PCDHGA4: variants seen among roughly 807,000 people sequenced by gnomAD.
The protein encoded by PCDHGA4 is protocadherin gamma-A4.
A neutral mutation model predicts 54.6 loss-of-function variants in PCDHGA4; 38 were observed. The ratio of observed to expected loss-of-function variants is 0.70; its 90% CI spans 0.54 to 0.91. The LOEUF is 0.91. PCDHGA4 is among the 40% of genes least tolerant of loss of function. The pLI is 0.00. For missense variants in PCDHGA4, 1,298 were observed against 1,220.9 expected (o/e 1.06, Z -0.94); for synonymous variants, 511 against 512.9 (o/e 1.00, Z 0.05).
intron 1 of PCDHGA4, chr5:141,478,076 C>A: frequency 6.2e-7 from 1 of 1,614,106 alleles, no homozygotes. Context: ...CAATGGGGAG[C>A]CTTCGCTCTC....
Position 141,491,162 on chromosome 5 carries a change from C to T in PCDHGA4, c.2515-3645C>T. 6.2e-7 allele frequency: 1 copy of T among 1,614,112 alleles called. No homozygotes were observed. Among genetic ancestry groups the T allele is most frequent in the Non-Finnish European group, 8.5e-7 (1 of 1,179,952 alleles). On this transcript the variant is annotated intron_variant, in intron 1 of 3. Coordinates refer to ENST00000571252, the MANE Select transcript of PCDHGA4 (RefSeq NM_018917.4). This position sits in a 1 kb window ranked among gnomAD's most constrained non-coding sequence, Gnocchi z 6.9. ...GCCTTACTGGAGGATGACTCTGACA[C>T]CCAGCAGGTGGTGGTCCTGGTGAGG...
chr5:141,405,345 A>C (rs758657243), intron 1 of PCDHGA4: 2 of 1,613,944 alleles, frequency 1.2e-6, no homozygotes, highest in Middle Eastern at 1.6e-4. Context: ...GTTGATTCCA[A>C]GTTTCCTATA....
intron 1 of PCDHGA4, chr5:141,388,788 T>C (rs1253708084): frequency 1.2e-6 from 2 of 1,613,942 alleles, no homozygotes; most frequent in Non-Finnish European, 1.7e-6. Flanking sequence ...AATTACTGTT[T>C]TAAATACATT....
In PCDHGA4 at chr5:141,356,912, G is replaced by T. The variant is rs376285031; in HGVS notation, c.1805G>T (p.Gly602Val). The change falls in exon 1 of 4, where the codon GGC becomes GTC. Residue 602 changes from glycine to valine, a missense_variant. By Grantham distance (109) the Gly-to-Val change is moderately radical (BLOSUM62 -3). Coordinates refer to ENST00000571252, the MANE Select transcript of PCDHGA4 (RefSeq NM_018917.4). Reference sequence around the variant, plus strand: ...CTGTACCCCACCTTCCCTACTGATGGCTCCACTGGTGTGGAGCTGGCACCC... The same window carrying T: ...CTGTACCCCACCTTCCCTACTGATGTCTCCACTGGTGTGGAGCTGGCACCC... ...EILYPTFPTD[G>V]STGVELAPRS... The T allele has an allele frequency of 1.2e-6, 2 of 1,614,130 alleles. No individual in the cohort carries two copies. Among genetic ancestry groups the T allele is most frequent in the South Asian group, 1.1e-5 (1 of 91,080 alleles).
chr5:141,401,770 T>C (rs975272408), intron 1 of PCDHGA4, among the ~76,000 whole-genome samples: 2 of 152,202 alleles, frequency 1.3e-5, no homozygotes, highest in African/African-American at 4.8e-5. Context: ...TATAAGTCTT[T>C]TGCTTGGTTT....
At chr5:141,419,407 G>A (rs1426208057) in intron 1 of PCDHGA4, 20 of 1,613,396 alleles carry the variant, frequency 1.2e-5, no homozygotes, top group Non-Finnish European at 1.4e-5. Flanking sequence ...TGGTGTTCGC[G>A]CAGCGCGCCT....
intron 1 of PCDHGA4, among the ~76,000 whole-genome samples, chr5:141,456,703 G>T (rs528071544): frequency 1.3e-5 from 2 of 152,062 alleles, no homozygotes; most frequent in Non-Finnish European, 2.9e-5. Context: ...GGTGGCTCGC[G>T]CCTGTAATCC....
rs148675327 is a variant in PCDHGA4 at position 141,477,019 on chromosome 5, C to A, written c.2515-17788C>A. On this transcript the variant is annotated intron_variant, in intron 1 of 3. Coordinates refer to ENST00000571252, the MANE Select transcript of PCDHGA4 (RefSeq NM_018917.4). The surrounding 1 kb of genome is among the most constrained non-coding windows in gnomAD (Gnocchi z 4.9). ...AACTATTCGCCTTAGACCTTGTAAC[C>A]GGGATGCTGACAATCAAGGGTCGGC... The A allele has an allele frequency of 1.7e-5, 28 of 1,614,124 alleles. No individual in the cohort carries two copies. The African/African-American group carries it at 2.5e-4, about 15-fold the overall frequency.
Position 141,355,857 on chromosome 5 carries a change from C to A in PCDHGA4, c.750C>A (p.Asp250Glu). 4 of 1,612,456 alleles carry A rather than the reference C, an allele frequency of 2.5e-6. No homozygotes were observed. The highest frequency in any genetic ancestry group is 3.4e-6 in the Non-Finnish European group (4 of 1,179,122). Residue 250 changes from aspartate to glutamate, a missense_variant, in exon 1 of 4, where the codon GAC becomes GAA. Transcript: ENST00000571252. ...HLVLTAFDGG[D>E]PVRSGTARIL... ...TTCTCACGGCCTTCGATGGAGGTGA[C>A]CCGGTTCGCTCTGGCACTGCCAGGA...
chr5:141,389,356 C>A (rs188323445), intron 1 of PCDHGA4: 4 of 1,613,916 alleles, frequency 2.5e-6, no homozygotes, highest in Non-Finnish European at 3.4e-6. Flanking sequence ...TGCATCATGG[C>A]CAGTGACCTG....
chr5:141,465,781 T>G (rs2099109506), intron 1 of PCDHGA4, among the ~76,000 whole-genome samples: 1 of 150,278 alleles, frequency 6.7e-6, no homozygotes, highest in Non-Finnish European at 1.5e-5. Context: ...TTGTTACAGT[T>G]TTTTTTTTTT....
chr5:141,378,889 T>C (rs185717248), intron 1 of PCDHGA4: 2 of 152,352 alleles, frequency 1.3e-5, no homozygotes, highest in Admixed American at 6.5e-5. Flanking sequence ...ACTAAGGAGA[T>C]AGGAGATTCT....
rs1222348421 is a variant in PCDHGA4, at chr5:141,511,044, C to T, written c.2760C>T (p.Asp920=). 1 of 1,614,128 alleles carries T rather than the reference C, an allele frequency of 6.2e-7. No homozygotes were observed. The highest frequency in any genetic ancestry group is 1.3e-5 in the African/African-American group (1 of 74,940). ...GPQFTLQHVP[D]YRQNVYIPGS... is the part of the protein sequence containing the mutation. ...AGTTCACCCTGCAGCACGTGCCCGA[C>T]TACCGCCAGAATGTCTACATCCCAG... The change falls in exon 4 of 4, where the codon GAC becomes GAT. Residue 920 remains aspartate, a synonymous_variant. Coordinates refer to ENST00000571252, the MANE Select transcript of PCDHGA4 (RefSeq NM_018917.4).
At chr5:141,478,584 T>G in intron 1 of PCDHGA4, 1 of 1,577,982 alleles carries the variant, frequency 6.3e-7, no homozygotes, top group Non-Finnish European at 8.6e-7. Flanking sequence ...CTGTTAGTGC[T>G]TTTTTATTCC....
intron 1 of PCDHGA4, chr5:141,384,866 C>T: frequency 6.2e-7 from 1 of 1,613,720 alleles, no homozygotes; most frequent in African/African-American, 1.3e-5. Flanking sequence ...CCTCTGTCAG[C>T]CACCGTCACA....
rs369942815 is a variant in PCDHGA4, at chr5:141,485,334, T to A, written c.2515-9473T>A. 5.4e-5 allele frequency: 87 copies of A among 1,614,056 alleles called. No individual in the cohort carries two copies. Among genetic ancestry groups the A allele is most frequent in the Non-Finnish European group, 7.0e-5 (83 of 1,180,026 alleles). On this transcript the variant is annotated intron_variant, in intron 1 of 3. Coordinates refer to ENST00000571252, the MANE Select transcript of PCDHGA4 (RefSeq NM_018917.4). The surrounding 1 kb of genome is among the most constrained non-coding windows in gnomAD (Gnocchi z 5.7). Reference sequence around the variant, plus strand: ...GGGAATGTCGCTCAAGATTTCCTGCTGGATACGGACAGTCTGTCAGCTCGC... The same window carrying A: ...GGGAATGTCGCTCAAGATTTCCTGCAGGATACGGACAGTCTGTCAGCTCGC...
intron 1 of PCDHGA4, chr5:141,478,866 C>G: frequency 7.7e-7 from 1 of 1,304,352 alleles, no homozygotes; most frequent in East Asian, 2.5e-5. Context: ...TCTCAGCGAT[C>G]AGAGTTTAGC....
chr5:141,383,512 G>A (rs755956919), intron 1 of PCDHGA4: 4 of 1,612,576 alleles, frequency 2.5e-6, no homozygotes, highest in Non-Finnish European at 2.5e-6. Context: ...CCGGGAGGAA[G>A]AGCGGGTTCA....
At chr5:141,479,877 T>C (rs967661238) in intron 1 of PCDHGA4, among the ~76,000 whole-genome samples, 2 of 152,188 alleles carry the variant, frequency 1.3e-5, no homozygotes, top group African/African-American at 4.8e-5. Flanking sequence ...GAGAACCCTA[T>C]ACATACTCTC....
Sources: gnomAD v4.1 joint callset for allele counts (sites outside exome capture counted in the v4.1 genomes callset) on GRCh38, gnomAD v4.1.1 for gene constraint, Gnocchi (gnomAD v3.1) non-coding constraint, MANE v1.5 for transcripts, NCBI Gene and HGNC (gene_info 2026-07-23, HGNC 2026-07-21) for gene names.